Variants in ACOXL observed in about 807,000 individuals in gnomAD.
The protein encoded by ACOXL is acyl-coenzyme A oxidase-like protein.
ACOXL carries 70 observed loss-of-function variants against 71.9 expected under a neutral mutation model. The observed-to-expected ratio is 0.97, with a 90% confidence interval of 0.80 to 1.19. ACOXL has a LOEUF of 1.19. ACOXL is among the 50% of genes most tolerant of loss of function. The pLI, the probability that ACOXL is intolerant of heterozygous loss-of-function variation, is 0.00. For synonymous variants in ACOXL, 253 were observed against 281.6 expected, an observed-to-expected ratio of 0.90 and a Z score of 1.02; for missense variants, 703 against 736.3, an observed-to-expected ratio of 0.95 and a Z score of 0.52.
At chr2:110,759,185 T>C (rs1221034748) in intron 1 of ACOXL, among the ~76,000 whole-genome samples, 1 of 152,182 alleles carries the variant, frequency 6.6e-6, no homozygotes, top group African/African-American at 2.4e-5. Context: ...TAGATATCTG[T>C]CAGGTCTACT....
intron 2 of ACOXL, among the ~76,000 whole-genome samples, chr2:110,779,438 T>A (rs1683061421): frequency 6.6e-6 from 1 of 152,238 alleles, no homozygotes; most frequent in Non-Finnish European, 1.5e-5. Context: ...ATACTTAGTT[T>A]AAAAATGTTG....
At chr2:111,095,410 G>C (rs1422049279) in intron 17 of ACOXL, among the ~76,000 whole-genome samples, 1 of 23,222 alleles carries the variant, frequency 4.3e-5, no homozygotes, top group Non-Finnish European at 9.4e-5. Context: ...TTTTTTTTTT[G>C]AGTTGGAGTC....
At chr2:110,980,803 G>C (rs1479679544) in intron 12 of ACOXL, among the ~76,000 whole-genome samples, 1 of 152,180 alleles carries the variant, frequency 6.6e-6, no homozygotes, top group African/African-American at 2.4e-5. Flanking sequence ...CGTCTCTAAA[G>C]CCGCTCTGCC....
intron 14 of ACOXL, among the ~76,000 whole-genome samples, chr2:111,014,870 G>A (rs192361068): frequency 3.3e-5 from 5 of 152,264 alleles, no homozygotes; most frequent in Admixed American, 2.6e-4. Flanking sequence ...ATTCAATGAT[G>A]AAAAGAATTT....
At chr2:110,918,443 C>G (rs199541080) in intron 11 of ACOXL, among the ~76,000 whole-genome samples, 2 of 152,064 alleles carry the variant, frequency 1.3e-5, no homozygotes, top group East Asian at 3.9e-4. Context: ...CTAAAACCAT[C>G]AAAATCCTAG....
chr2:110,943,257 GAAA>G (rs2060961452), intron 12 of ACOXL, among the ~76,000 whole-genome samples: 1 of 137,408 alleles, frequency 7.3e-6, no homozygotes, highest in African/African-American at 2.9e-5. Flanking sequence ...AAAAAGAAAA[GAAA>G]GGAGGGAGGG....
Position 110,770,681 on chromosome 2 carries a change from A to C in ACOXL, c.75+2217A>C, listed in dbSNP as rs144986871. 3.8e-3 allele frequency among the ~76,000 whole-genome samples: 584 copies of C among 152,338 alleles called. 8 individuals carry two copies. The highest frequency in any genetic ancestry group is 0.014 in the African/African-American group (567 of 41,578). On this transcript the variant is annotated intron_variant, in intron 2 of 17. Transcript: ENST00000439055. ...AATACAACCAAAAAAGAAAAAAAACACAAAAACAACCAACCTCTTTGCTGC... is the reference window on the plus strand; with the variant it reads ...AATACAACCAAAAAAGAAAAAAAACCCAAAAACAACCAACCTCTTTGCTGC...
At chr2:110,881,968 G>C (rs72944214) in intron 10 of ACOXL, among the ~76,000 whole-genome samples, 1 of 151,966 alleles carries the variant, frequency 6.6e-6, no homozygotes, top group Non-Finnish European at 1.5e-5. Context: ...AGGGACATAT[G>C]CTATCTTTTC....
intron 16 of ACOXL, among the ~76,000 whole-genome samples, chr2:111,063,554 A>C (rs543898242): frequency 2.0e-5 from 3 of 152,322 alleles, no homozygotes; most frequent in African/African-American, 7.2e-5. Flanking sequence ...ATGCAGAAAA[A>C]AGCATTTGAC....
intron 8 of ACOXL, among the ~76,000 whole-genome samples, 185 bp from the exon 9 acceptor site, chr2:110,805,078 G>C (rs1011632202): frequency 6.6e-6 from 1 of 152,218 alleles, no homozygotes; most frequent in Non-Finnish European, 1.5e-5. Flanking sequence ...CATGAGTCAA[G>C]CCTTTCTCAG....
chr2:111,015,189 G>A (rs2064369067), intron 14 of ACOXL, among the ~76,000 whole-genome samples: 1 of 152,072 alleles, frequency 6.6e-6, no homozygotes, highest in Non-Finnish European at 1.5e-5. Flanking sequence ...ACAAACCATA[G>A]CCTTGGAGAA....
intron 12 of ACOXL, among the ~76,000 whole-genome samples, chr2:110,967,392 A>G (rs988135395): frequency 6.6e-6 from 1 of 152,214 alleles, no homozygotes. Context: ...CAGTGGAGCA[A>G]TAACAAAAGA....
chr2:110,789,702 G>C (rs1442718342), intron 3 of ACOXL, among the ~76,000 whole-genome samples: 1 of 152,174 alleles, frequency 6.6e-6, no homozygotes, highest in African/African-American at 2.4e-5. Context: ...ACAGCGGGTA[G>C]GGCTTTAACA....
At chr2:111,077,775 A>G (rs2067675138) in intron 16 of ACOXL, among the ~76,000 whole-genome samples, 1 of 152,192 alleles carries the variant, frequency 6.6e-6, no homozygotes, top group Admixed American at 6.5e-5. Context: ...GAGAAATTCA[A>G]TCATTCAGAT....
At chr2:110,863,960 C>T (rs1559360924) in intron 10 of ACOXL, among the ~76,000 whole-genome samples, 1 of 152,142 alleles carries the variant, frequency 6.6e-6, no homozygotes. Context: ...GCTAGAGCTT[C>T]TCCAATTTCT....
chr2:111,027,058 A>G (rs1205496125), intron 14 of ACOXL, among the ~76,000 whole-genome samples: 1 of 151,884 alleles, frequency 6.6e-6, no homozygotes, highest in Admixed American at 6.6e-5. Flanking sequence ...CATCACGCCC[A>G]GCTAATTTTT....
At position 111,108,685 on chromosome 2, in the gene ACOXL, C is replaced by T. The variant is rs918666732; in HGVS notation, c.1543-8931C>T. 6.6e-5 allele frequency among the ~76,000 whole-genome samples: 10 copies of T among 152,300 alleles called. No individual in the cohort carries two copies. The East Asian group carries it at 1.9e-3, about 29-fold the overall frequency. On this transcript the variant is annotated intron_variant, in intron 17 of 17. Transcript: ENST00000439055. ...AGCCACCATGCCCGGCCGAAGCGCACAAATCTTAATGGTGCAGTTCAGCGA... is the reference window on the plus strand; with the variant it reads ...AGCCACCATGCCCGGCCGAAGCGCATAAATCTTAATGGTGCAGTTCAGCGA...
At chr2:111,041,754 C>G (rs2065797557) in intron 15 of ACOXL, among the ~76,000 whole-genome samples, 1 of 152,168 alleles carries the variant, frequency 6.6e-6, no homozygotes, top group South Asian at 2.1e-4. Flanking sequence ...TCCGTGGGCT[C>G]CAGAAGGGGT....
chr2:110,973,690 A>T (rs1453673546), intron 12 of ACOXL, among the ~76,000 whole-genome samples: 1 of 152,170 alleles, frequency 6.6e-6, no homozygotes, highest in African/African-American at 2.4e-5. Context: ...TTTCTTCTGG[A>T]TGACCGTGGA....
Sources: allele counts gnomAD v4.1 joint callset (sites outside exome capture counted in the v4.1 genomes callset), GRCh38; gene constraint gnomAD v4.1.1; transcripts MANE v1.5; gene names NCBI Gene and HGNC (gene_info 2026-07-23, HGNC 2026-07-21).